Variants in CHIA observed in about 807,000 individuals in gnomAD.
CHIA encodes the protein chitinase acidic, also known as acidic mammalian chitinase.
In CHIA, 47 loss-of-function variants were observed where a neutral mutation model predicts 53.5. The observed-to-expected ratio is 0.88, with a 90% confidence interval of 0.70 to 1.12. The LOEUF is 1.12. CHIA is among the 50% of genes most tolerant of loss of function. The pLI is 0.00. For synonymous variants in CHIA, 268 were observed against 222.2 expected (o/e 1.21, Z -1.83); for missense variants, 652 against 592.2 (o/e 1.10, Z -1.05).
intron 1 of CHIA, among the ~76,000 whole-genome samples, chr1:111,303,412 TAC>T (rs1414692069): frequency 6.6e-6 from 1 of 151,834 alleles, no homozygotes. Flanking sequence ...CGTTTCCTTA[TAC>T]ACACACACAC....
chr1:111,311,158 C>A (rs1455005125), intron 2 of CHIA, among the ~76,000 whole-genome samples: 1 of 152,140 alleles, frequency 6.6e-6, no homozygotes, highest in African/African-American at 2.4e-5. Context: ...ATAAAACAAT[C>A]AGAGTAGAAG....
intron 1 of CHIA, among the ~76,000 whole-genome samples, chr1:111,305,406 C>T (rs1252752551): frequency 6.6e-6 from 1 of 152,092 alleles, no homozygotes; most frequent in Non-Finnish European, 1.5e-5. Context: ...TAATCAGAAG[C>T]AGCAATCAGT....
At chr1:111,293,388 G>T (rs1661141992) in intron 1 of CHIA, among the ~76,000 whole-genome samples, 1 of 151,942 alleles carries the variant, frequency 6.6e-6, no homozygotes, top group African/African-American at 2.4e-5. Context: ...CTTCTTTGAA[G>T]AAATAGATAT....
intron 1 of CHIA, among the ~76,000 whole-genome samples, chr1:111,306,106 C>T (rs1279001858): frequency 6.6e-6 from 1 of 152,130 alleles, no homozygotes; most frequent in Non-Finnish European, 1.5e-5. Context: ...GACAGGCAAC[C>T]CATTTTCATG....
rs184102794 is a variant in CHIA at position 111,292,086 on chromosome 1, C to T, written c.-69+1136C>T. On this transcript the variant is annotated intron_variant, in intron 1 of 11. Coordinates refer to ENST00000369740, the MANE Select transcript of CHIA (RefSeq NM_201653.4). ...TAATTCACACACAATGTTTTGTGTGCAAACTCCCCTTTCCCCTATAATTAC... is the reference window on the plus strand; with the variant it reads ...TAATTCACACACAATGTTTTGTGTGTAAACTCCCCTTTCCCCTATAATTAC... Among the ~76,000 whole-genome samples, 131 of 152,268 alleles carry T rather than the reference C, an allele frequency of 8.6e-4. 2 individuals are homozygous for T. The highest frequency in any genetic ancestry group is 6.8e-3 in the Middle Eastern group (2 of 294).
intron 11 of CHIA, 90 bp downstream of exon 11, chr1:111,319,558 C>T: frequency 7.9e-7 from 1 of 1,258,288 alleles, no homozygotes; most frequent in Non-Finnish European, 1.1e-6. Flanking sequence ...TCCCCCTTGC[C>T]CAGGGATCCT....
intron 1 of CHIA, among the ~76,000 whole-genome samples, chr1:111,298,654 A>C (rs1025125348): frequency 9.9e-5 from 15 of 152,200 alleles, no homozygotes; most frequent in Non-Finnish European, 2.9e-5. Context: ...TAAAATCAAC[A>C]CCCTAACATC....
intron 5 of CHIA, chr1:111,314,802 T>C (rs991900193): frequency 7.5e-6 from 4 of 533,146 alleles, no homozygotes; most frequent in Non-Finnish European, 1.3e-5. Flanking sequence ...TGGTGGACAT[T>C]TGGGGGCCCT....
Position 111,314,572 on chromosome 1 carries a change from G to A in CHIA, c.290G>A (p.Gly97Glu). ...CAGCTGAAAACTCTCCTGGCCATTG[G>A]AGGCTGGAACTTCGGGACTGCCCCG... ...NSQLKTLLAIGGWNFGTAPFT... is the reference protein window; with the variant it reads ...NSQLKTLLAIEGWNFGTAPFT... The change falls in exon 5 of 12, where the codon GGA becomes GAA. Residue 97 changes from glycine (G) to glutamate (E), a missense_variant. Transcript: ENST00000369740. The A allele has an allele frequency of 1.2e-6, 2 of 1,613,600 alleles. No individual in the cohort carries two copies. The highest frequency in any genetic ancestry group is 1.7e-6 in the Non-Finnish European group (2 of 1,179,538).
chr1:111,315,892 C>T (rs1261685207), intron 6 of CHIA: 1 of 408,102 alleles, frequency 2.5e-6, no homozygotes, highest in Non-Finnish European at 4.8e-6. Flanking sequence ...CTGTGGCAGA[C>T]ATTGTCAGGC....
At position 111,301,847 on chromosome 1, in the gene CHIA, T is replaced by C. The variant is rs1647771241; in HGVS notation, c.-68-8553T>C. ...CATGTTCTTACTCATAGGTGTAAAT[T>C]GAACAATGAAAACACTTGGACGTAG... On this transcript the variant is annotated intron_variant, in intron 1 of 11. Coordinates refer to ENST00000369740, the MANE Select transcript of CHIA (RefSeq NM_201653.4). Among the ~76,000 whole-genome samples the C allele has an allele frequency of 2.6e-5, 4 of 151,902 alleles. No individual in the cohort carries two copies. The South Asian group carries it at 8.3e-4, about 32-fold the overall frequency.
chr1:111,291,892 C>A (rs986586218), intron 1 of CHIA, among the ~76,000 whole-genome samples: 4 of 151,784 alleles, frequency 2.6e-5, no homozygotes, highest in Admixed American at 2.0e-4. Flanking sequence ...GGGCTTCATA[C>A]CTAGGTGATG....
chr1:111,312,878 C>T (rs1648801899), intron 4 of CHIA, among the ~76,000 whole-genome samples: 1 of 151,994 alleles, frequency 6.6e-6, no homozygotes. Flanking sequence ...TTTTAGATTC[C>T]ACTTATAAGT....
At chr1:111,301,339 A>T (rs1415059989) in intron 1 of CHIA, among the ~76,000 whole-genome samples, 1 of 152,232 alleles carries the variant, frequency 6.6e-6, no homozygotes, top group African/African-American at 2.4e-5. Context: ...CCAAATGTCC[A>T]TCAATGATAG....
intron 1 of CHIA, among the ~76,000 whole-genome samples, chr1:111,296,820 A>G (rs1661368949): frequency 1.3e-5 from 2 of 152,230 alleles, no homozygotes; most frequent in Admixed American, 1.3e-4. Flanking sequence ...GAAGCTAACA[A>G]TTTTGAAAAA....
intron 1 of CHIA, 49 bp downstream of exon 1, chr1:111,290,999 A>T (rs1660980397): frequency 2.7e-6 from 1 of 368,946 alleles, no homozygotes; most frequent in African/African-American, 2.2e-5. Context: ...TTCCCATTGC[A>T]ATTTGATTGT....
chr1:111,310,688 G>A (rs933224591), intron 2 of CHIA, among the ~76,000 whole-genome samples, 196 bp downstream of exon 2: 1 of 152,120 alleles, frequency 6.6e-6, no homozygotes, highest in African/African-American at 2.4e-5. Context: ...ACTGACTCTG[G>A]TAACATTTCT....
chr1:111,307,491 T>C (rs1204688409), intron 1 of CHIA, among the ~76,000 whole-genome samples: 3 of 152,200 alleles, frequency 2.0e-5, no homozygotes, highest in African/African-American at 7.2e-5. Flanking sequence ...GATAATACTA[T>C]AAATGAAGTA....
chr1:111,310,813 C>A (rs143285014), intron 2 of CHIA, among the ~76,000 whole-genome samples: 1 of 152,174 alleles, frequency 6.6e-6, no homozygotes, highest in Non-Finnish European at 1.5e-5. Context: ...CTTCTTCCTA[C>A]GCCATCTCAT....
Sources: gnomAD v4.1 joint callset for allele counts (sites outside exome capture counted in the v4.1 genomes callset) on GRCh38, gnomAD v4.1.1 for gene constraint, MANE v1.5 for transcripts, NCBI Gene and HGNC (gene_info 2026-07-23, HGNC 2026-07-21) for gene names.